Variants in FANCC observed in about 807,000 individuals in gnomAD.
FANCC encodes Fanconi anemia group C protein.
FANCC carries 55 observed loss-of-function variants against 71.3 expected under a neutral mutation model. That is an observed-to-expected ratio of 0.77 (90% CI 0.62 to 0.97). The LOEUF is 0.97. FANCC is among the 50% of genes least tolerant of loss of function. The pLI, the probability that FANCC is intolerant of heterozygous loss-of-function variation, is 0.00. For missense variants in FANCC, 678 were observed against 670.9 expected (o/e 1.01, Z -0.12); for synonymous variants, 275 against 244.9 (o/e 1.12, Z -1.15).
At chr9:95,297,447 C>T (rs1043916401) in intron 1 of FANCC, among the ~76,000 whole-genome samples, 1 of 152,172 alleles carries the variant, frequency 6.6e-6, no homozygotes, top group East Asian at 1.9e-4. Context: ...CCAAGGTTTT[C>T]AGGAAACCCG....
chr9:95,145,393 G>C (rs1324775451), intron 7 of FANCC: 7 of 152,118 alleles, frequency 4.6e-5, no homozygotes, highest in Non-Finnish European at 1.0e-4. Flanking sequence ...CTTAACAAAT[G>C]GTAAAACGTA....
At chr9:95,147,954 T>TA (rs1373721104) in intron 7 of FANCC, among the ~76,000 whole-genome samples, 1 of 152,164 alleles carries the variant, frequency 6.6e-6, no homozygotes, top group African/African-American at 2.4e-5. Context: ...GGGAAATACT[T>TA]AAAGTACTGA....
intron 4 of FANCC, among the ~76,000 whole-genome samples, chr9:95,235,735 T>C (rs1018267273): frequency 4.8e-5 from 7 of 145,416 alleles, no homozygotes; most frequent in African/African-American, 1.5e-4. Context: ...TCTGAGCTAC[T>C]TGGGAGGCTG....
chr9:95,251,309 T>A (rs1831313586), intron 1 of FANCC, among the ~76,000 whole-genome samples: 2 of 152,184 alleles, frequency 1.3e-5, no homozygotes, highest in South Asian at 4.1e-4. Flanking sequence ...AATTTAATTT[T>A]ATTTTTATGT....
intron 3 of FANCC, among the ~76,000 whole-genome samples, chr9:95,245,432 TAC>T (rs1830904902): frequency 6.6e-6 from 1 of 151,962 alleles, no homozygotes; most frequent in Admixed American, 6.6e-5. Flanking sequence ...AAACCTTAAA[TAC>T]AGTGTTTTCT....
chr9:95,147,580 G>A (rs1046016135), intron 7 of FANCC, among the ~76,000 whole-genome samples: 2 of 152,198 alleles, frequency 1.3e-5, no homozygotes, highest in African/African-American at 2.4e-5. Context: ...TCATGAGATG[G>A]AGACATCTGC....
intron 1 of FANCC, among the ~76,000 whole-genome samples, chr9:95,259,204 T>C (rs975720165): frequency 2.0e-5 from 3 of 152,078 alleles, no homozygotes; most frequent in Non-Finnish European, 2.9e-5. Context: ...GAATTTCATA[T>C]GGAACCAAAA....
chr9:95,161,665 A>G (rs1267436670), intron 6 of FANCC, among the ~76,000 whole-genome samples: 1 of 152,170 alleles, frequency 6.6e-6, no homozygotes, highest in African/African-American at 2.4e-5. Flanking sequence ...TACCATTTTA[A>G]CCATTTTTAA....
At position 95,217,356 on chromosome 9, in the gene FANCC, G is replaced by C. The variant is rs181523066; in HGVS notation, c.345+23293C>G. 2.0e-5 allele frequency among the ~76,000 whole-genome samples: 3 copies of C among 151,886 alleles called. No individual in the cohort carries two copies. The East Asian group carries it at 5.8e-4, about 30-fold the overall frequency. ...AAACATTAGCCGGGTGTGGTGGTGGGCGCCTGTGGTCCCAGCTACTCGGGA... is the reference window on the plus strand; with the variant it reads ...AAACATTAGCCGGGTGTGGTGGTGGCCGCCTGTGGTCCCAGCTACTCGGGA... On this transcript the variant is annotated intron_variant, in intron 4 of 14. Transcript: ENST00000289081.
chr9:95,245,807 G>C (rs1830930974), intron 3 of FANCC, among the ~76,000 whole-genome samples: 1 of 151,256 alleles, frequency 6.6e-6, no homozygotes, highest in Non-Finnish European at 1.5e-5. Flanking sequence ...TGAGGCAGGA[G>C]AATCACTTGA....
intron 7 of FANCC, among the ~76,000 whole-genome samples, chr9:95,143,707 G>A (rs1373272215): frequency 3.9e-5 from 6 of 152,112 alleles, no homozygotes; most frequent in Non-Finnish European, 7.3e-5. Flanking sequence ...TATTTTTGAA[G>A]CAGTGGATTC....
rs191983554 is a variant in FANCC, at chr9:95,100,375, T to C, written c.*1332A>G. ...ATTTTCCAGATCTTCAGTGGATCTA[T>C]TAGCATTGCCACATACCAAAATAAG... On this transcript the variant is annotated 3_prime_UTR_variant, in exon 15 of 15. Coordinates refer to ENST00000289081, the MANE Select transcript of FANCC (RefSeq NM_000136.3). 7.8e-5 allele frequency: 18 copies of C among 231,730 alleles called. No homozygotes were observed. The highest frequency in any genetic ancestry group is 5.1e-4 in the Admixed American group (9 of 17,768). The allele number at this position is 231,730 out of a possible 1,614,324, so 14.4% of individuals were successfully genotyped here. A position where few individuals can be genotyped will look rare whatever the true frequency, so the allele number is the denominator to read the frequency against.
chr9:95,107,314 A>G (rs1588030008), intron 13 of FANCC, 45 bp from the exon 14 acceptor site: 3 of 1,580,156 alleles, frequency 1.9e-6, no homozygotes, highest in Middle Eastern at 4.1e-4. Flanking sequence ...AAGAGGCAGG[A>G]CAGACATACT....
intron 8 of FANCC, among the ~76,000 whole-genome samples, chr9:95,130,299 TGAGAGA>T (rs3030652): frequency 1.2e-4 from 18 of 149,192 alleles, no homozygotes; most frequent in African/African-American, 3.7e-4. Context: ...TGTGTGTGTG[TGAGAGA>T]GAGAGAGAGA....
chr9:95,141,012 T>TA (rs927335268), intron 7 of FANCC, among the ~76,000 whole-genome samples: 2 of 151,802 alleles, frequency 1.3e-5, no homozygotes, highest in African/African-American at 2.4e-5. Context: ...TTATTAAGGT[T>TA]AAAAAAACAG....
chr9:95,152,430 T>C (rs766895912), intron 6 of FANCC, among the ~76,000 whole-genome samples: 22 of 152,150 alleles, frequency 1.4e-4, no homozygotes, highest in African/African-American at 2.2e-4. Flanking sequence ...GAAGAAAACA[T>C]TGCAGACAGA....
intron 14 of FANCC, among the ~76,000 whole-genome samples, chr9:95,104,409 G>A (rs2071284128): frequency 6.6e-6 from 1 of 152,180 alleles, no homozygotes; most frequent in South Asian, 2.1e-4. Flanking sequence ...CTCTGTGGCG[G>A]AACTGACTTG....
intron 7 of FANCC, among the ~76,000 whole-genome samples, chr9:95,141,608 T>C (rs1828702158): frequency 6.6e-6 from 1 of 152,210 alleles, no homozygotes; most frequent in African/African-American, 2.4e-5. Context: ...ATTTTCCTGA[T>C]TTGTAAAATG....
intron 3 of FANCC, among the ~76,000 whole-genome samples, chr9:95,245,321 T>C (rs916382719): frequency 3.9e-5 from 6 of 152,002 alleles, no homozygotes; most frequent in Non-Finnish European, 7.4e-5. Context: ...AACAGCATAG[T>C]GAACATGGAC....
Sources: gnomAD v4.1 joint callset for allele counts (sites outside exome capture counted in the v4.1 genomes callset) on GRCh38, gnomAD v4.1.1 for gene constraint, MANE v1.5 for transcripts, NCBI Gene and HGNC (gene_info 2026-07-23, HGNC 2026-07-21) for gene names.